PRIMPOL: variants seen among roughly 807,000 people sequenced by gnomAD.
The protein encoded by PRIMPOL is DNA-directed primase/polymerase protein.
Under a neutral mutation model 63.6 loss-of-function variants are expected in PRIMPOL, and 54 were observed. The ratio of observed to expected loss-of-function variants is 0.85; its 90% confidence interval spans 0.68 to 1.07. The LOEUF is 1.07. Among genes scored for constraint, PRIMPOL ranks in the 50% least tolerant of loss-of-function variants. PRIMPOL has a pLI of 0.00. For missense variants in PRIMPOL, 610 were observed against 648.3 expected (o/e 0.94, Z 0.64); for synonymous variants, 197 against 220.2 (o/e 0.89, Z 0.93).
intron 7 of PRIMPOL, among the ~76,000 whole-genome samples, chr4:184,675,722 C>T (rs1274799919): frequency 6.6e-6 from 1 of 152,152 alleles, no homozygotes; most frequent in Non-Finnish European, 1.5e-5. Context: ...GAGGCTGAGA[C>T]ATGAGAATCA....
At chr4:184,654,478 T>G (rs1349305529) in intron 2 of PRIMPOL, among the ~76,000 whole-genome samples, 7 of 151,288 alleles carry the variant, frequency 4.6e-5, no homozygotes, top group Non-Finnish European at 1.0e-4. Context: ...TGAGACAGAG[T>G]CTCGCTCCGT....
At chr4:184,663,329 G>T (rs112965655) in intron 5 of PRIMPOL, among the ~76,000 whole-genome samples, 1 of 152,122 alleles carries the variant, frequency 6.6e-6, no homozygotes, top group Non-Finnish European at 1.5e-5. Flanking sequence ...ATAGGCGCGA[G>T]CCATTGTGCC....
intron 3 of PRIMPOL, 107 bp from the exon 4 acceptor site, chr4:184,659,233 T>C: frequency 1.3e-6 from 1 of 786,030 alleles, no homozygotes; most frequent in South Asian, 1.6e-5. Flanking sequence ...CAAATTACAG[T>C]TTCTGAAAAC....
chr4:184,657,376 T>C, intron 3 of PRIMPOL, 56 bp downstream of exon 3: 2 of 1,266,692 alleles, frequency 1.6e-6, no homozygotes, highest in Non-Finnish European at 2.1e-6. Flanking sequence ...TCTTCTTTCT[T>C]CTTCTTCTTC....
chr4:184,681,926 T>C (rs72703521), intron 8 of PRIMPOL, among the ~76,000 whole-genome samples: 19,850 of 152,204 alleles, frequency 0.13, 1,371 homozygotes, highest in Middle Eastern at 0.18. Flanking sequence ...TGGTTGAATC[T>C]GCAGATAAGA....
chr4:184,651,788 A>G (rs543550396), intron 1 of PRIMPOL, among the ~76,000 whole-genome samples: 4 of 152,260 alleles, frequency 2.6e-5, no homozygotes, highest in African/African-American at 9.6e-5. Context: ...GGCTGGGATT[A>G]CAGGTGCCTA....
chr4:184,675,193 A>T (rs1752965067), intron 7 of PRIMPOL, among the ~76,000 whole-genome samples: 1 of 152,192 alleles, frequency 6.6e-6, no homozygotes, highest in African/African-American at 2.4e-5. Flanking sequence ...GCAGTGTAGT[A>T]TGTACTATGG....
intron 8 of PRIMPOL, among the ~76,000 whole-genome samples, chr4:184,679,064 T>C (rs1754902704): frequency 1.3e-5 from 2 of 152,236 alleles, no homozygotes; most frequent in South Asian, 2.1e-4. Flanking sequence ...TGTATGCACA[T>C]ACATATAATT....
intron 11 of PRIMPOL, among the ~76,000 whole-genome samples, chr4:184,690,374 C>G (rs1758179531): frequency 6.6e-6 from 1 of 151,900 alleles, no homozygotes; most frequent in African/African-American, 2.4e-5. Context: ...TCAATTTTAC[C>G]CTAATTTCAT....
intron 7 of PRIMPOL, among the ~76,000 whole-genome samples, chr4:184,675,691 C>T (rs1403676930): frequency 6.6e-6 from 1 of 152,088 alleles, no homozygotes; most frequent in East Asian, 1.9e-4. Flanking sequence ...GTGGTGCATG[C>T]CTGTAATCCC....
rs551481826 is a variant in PRIMPOL at position 184,664,358 on chromosome 4, T to C, written c.409-1559T>C. 1.3e-4 allele frequency among the ~76,000 whole-genome samples: 20 copies of C among 152,358 alleles called. No individual in the cohort carries two copies. The East Asian group carries it at 3.9e-3, about 29-fold the overall frequency. On this transcript the variant is annotated intron_variant, in intron 5 of 13. Coordinates refer to ENST00000314970, the MANE Select transcript of PRIMPOL (RefSeq NM_152683.4). ...ATAATGTCTGATGGCATACACTTTG[T>C]AGTCTAATGGAGGATAATACGTTAG...
At chr4:184,683,690 T>G (rs1756264064) in intron 9 of PRIMPOL, among the ~76,000 whole-genome samples, 1 of 152,172 alleles carries the variant, frequency 6.6e-6, no homozygotes, top group Non-Finnish European at 1.5e-5. Context: ...CTGTCATAAC[T>G]TACCCATTCC....
chr4:184,680,372 G>A (rs1755299297), intron 8 of PRIMPOL, among the ~76,000 whole-genome samples: 1 of 152,150 alleles, frequency 6.6e-6, no homozygotes, highest in Non-Finnish European at 1.5e-5. Context: ...ATTTTTAGTA[G>A]AGATGGGGTT....
rs1438000359 is a variant in PRIMPOL, at chr4:184,661,880, A to G, written c.385A>G (p.Lys129Glu). Residue 129 changes from lysine (K) to glutamate (E), a missense_variant, in exon 5 of 14, where the codon AAG (lysine) becomes GAG (glutamate). Physicochemically the swap from Lys to Glu is moderately conservative, Grantham distance 56. Transcript: ENST00000314970. ...KPANPGADGKKMVALLIEYVC... is the reference protein window; with the variant it reads ...KPANPGADGKEMVALLIEYVC... ...TGCCAACCCAGGAGCTGATGGGAAAAAGATGGTTGCATTACTCATTGAGGT... is the reference window on the plus strand; with the variant it reads ...TGCCAACCCAGGAGCTGATGGGAAAGAGATGGTTGCATTACTCATTGAGGT... 1 of 1,613,586 alleles carries G rather than the reference A, an allele frequency of 6.2e-7. No homozygotes were observed. Among genetic ancestry groups the G allele is most frequent in the East Asian group, 2.2e-5 (1 of 44,828 alleles).
chr4:184,681,331 T>C (rs1023898565), intron 8 of PRIMPOL, among the ~76,000 whole-genome samples: 2 of 152,292 alleles, frequency 1.3e-5, no homozygotes, highest in Non-Finnish European at 2.9e-5. Context: ...TAGAGTTATA[T>C]AGTCGTCTCC....
At position 184,691,661 on chromosome 4, in the gene PRIMPOL, T is replaced by A; in HGVS notation, c.1379-5T>A. On this transcript the variant is annotated splice_region_variant and splice_polypyrimidine_tract_variant and intron_variant, in intron 12 of 13. Coordinates refer to ENST00000314970, the MANE Select transcript of PRIMPOL (RefSeq NM_152683.4). ...TGTAATAGTTTTGCTATCTTTCTGA[T>A]TCAGGTTTCCCATTACCTGCTGAAG... 1 of 1,612,114 alleles carries A rather than the reference T, an allele frequency of 6.2e-7. No homozygotes were observed. Among genetic ancestry groups the A allele is most frequent in the Non-Finnish European group, 8.5e-7 (1 of 1,178,362 alleles).
Position 184,663,571 on chromosome 4 carries a change from A to G in PRIMPOL, c.408+1668A>G, listed in dbSNP as rs188230609. Among the ~76,000 whole-genome samples, 40 of 152,336 alleles carry G rather than the reference A, an allele frequency of 2.6e-4. No individual in the cohort carries two copies. The East Asian group carries it at 7.7e-3, about 29-fold the overall frequency. On this transcript the variant is annotated intron_variant, in intron 5 of 13. Transcript: ENST00000314970. ...TCATTTGTAACACATATTAATAAAC[A>G]CTGGTATGGCAAAGACCATGTAGGT...
intron 1 of PRIMPOL, among the ~76,000 whole-genome samples, chr4:184,651,423 G>A (rs1007512510): frequency 5.3e-5 from 8 of 152,092 alleles, no homozygotes; most frequent in Admixed American, 2.0e-4. Context: ...ACCAATGTTT[G>A]ACAGTCCTTT....
At chr4:184,651,015 C>T (rs1035728120) in intron 1 of PRIMPOL, among the ~76,000 whole-genome samples, 4 of 151,772 alleles carry the variant, frequency 2.6e-5, no homozygotes, top group Admixed American at 1.3e-4. Flanking sequence ...TAAGTCCCGG[C>T]GCGGTGGCTC....
Sources: gnomAD v4.1 joint callset for allele counts (sites outside exome capture counted in the v4.1 genomes callset) on GRCh38, gnomAD v4.1.1 for gene constraint, MANE v1.5 for transcripts, NCBI Gene and HGNC (gene_info 2026-07-23, HGNC 2026-07-21) for gene names.